Variants in CHAT observed in about 807,000 individuals in gnomAD.
CHAT encodes the protein acetyl CoA:choline O-acetyltransferase.
A neutral mutation model predicts 76.9 loss-of-function variants in CHAT; 61 were observed. The ratio of observed to expected loss-of-function variants is 0.79; its 90% confidence interval spans 0.65 to 0.98. The LOEUF (loss-of-function observed/expected upper bound fraction) is 0.98, where lower values mean the gene tolerates loss of function less well. Ranked by LOEUF, CHAT falls within the 50% of genes least tolerant of loss-of-function variation. CHAT has a pLI of 0.00. For missense variants in CHAT, 946 were observed against 986.9 expected (o/e 0.96, Z 0.56); for synonymous variants, 407 against 397.4 (o/e 1.02, Z -0.29).
rs530975142 is a variant in CHAT at position 49,658,377 on chromosome 10, C to T, written c.1839+2929C>T. ...CTAAAAATACAAAAAATTAGCCAGGCGTGGTTGCACATGCCTGCAATCCCA... is the reference window on the plus strand; with the variant it reads ...CTAAAAATACAAAAAATTAGCCAGGTGTGGTTGCACATGCCTGCAATCCCA... On this transcript the variant is annotated intron_variant, in intron 13 of 14. Coordinates refer to ENST00000337653, the MANE Select transcript of CHAT (RefSeq NM_020549.5). Among the ~76,000 whole-genome samples, 15 of 152,252 alleles carry T rather than the reference C, an allele frequency of 9.9e-5. 1 individual carries two copies. The South Asian group carries it at 1.7e-3, about 17-fold the overall frequency.
intron 7 of CHAT, among the ~76,000 whole-genome samples, chr10:49,645,081 T>C (rs1004345869): frequency 6.6e-6 from 1 of 152,182 alleles, no homozygotes; most frequent in Non-Finnish European, 1.5e-5. Context: ...TCATAGAATT[T>C]AGACACCTGG....
Position 49,616,516 on chromosome 10 carries a change from A to C in CHAT, c.301A>C (p.Ile101Leu). 1 of 1,612,510 alleles carries C rather than the reference A, an allele frequency of 6.2e-7. No individual in the cohort carries two copies. The highest frequency in any genetic ancestry group is 8.5e-7 in the Non-Finnish European group (1 of 1,179,230). Residue 101 changes from isoleucine to leucine, a missense_variant, in exon 2 of 15, where the codon ATC becomes CTC. Physicochemically the swap from Ile to Leu is conservative, Grantham distance 5 (BLOSUM62 2). This residue lies in a region of CHAT where 548 missense variants were observed against 516.2 expected (regional missense o/e 1.06). Coordinates refer to ENST00000337653, the MANE Select transcript of CHAT (RefSeq NM_020549.5). ...EPRRAGPHLC[I>L]PAPGLTKTPI... Reference sequence around the variant, plus strand: ...TTGGTCCCCAGGTCCACACCTCTGCATCCCTGCACCAGGACTCACCAAGAC... The same window carrying C: ...TTGGTCCCCAGGTCCACACCTCTGCCTCCCTGCACCAGGACTCACCAAGAC...
chr10:49,639,888 C>T (rs1337777978), intron 7 of CHAT, among the ~76,000 whole-genome samples: 2 of 152,150 alleles, frequency 1.3e-5, no homozygotes, highest in Admixed American at 6.6e-5. Context: ...GACTCTGTTC[C>T]TTTTCCCCCA....
At position 49,614,345 on chromosome 10, in the gene CHAT, C is replaced by T. The variant is rs1286222980; in HGVS notation, c.156C>T (p.Ala52=). The T allele has an allele frequency of 2.6e-5, 40 of 1,546,540 alleles. No individual in the cohort carries two copies. Among genetic ancestry groups the T allele is most frequent in the African/African-American group, 8.2e-5 (6 of 72,936 alleles). The change falls in exon 1 of 15, where the codon GCC becomes GCT. Residue 52 remains alanine, a synonymous_variant. Coordinates refer to ENST00000337653, the MANE Select transcript of CHAT (RefSeq NM_020549.5). Reference sequence around the variant, plus strand: ...ACCCGGGCGACGTCGGAGGCCCTGCCGGGAACCCAGGCTGCAGCCCCCACC... The same window carrying T: ...ACCCGGGCGACGTCGGAGGCCCTGCTGGGAACCCAGGCTGCAGCCCCCACC... The part of the protein sequence containing the change: ...RGDPGDVGGP[A]GNPGCSPHPR...
At position 49,667,732 on chromosome 10, in the gene CHAT, A is replaced by C. The variant is rs995255618; in HGVS notation, c.*2686A>C. 1.3e-5 allele frequency among the ~76,000 whole-genome samples: 2 copies of C among 152,240 alleles called. No homozygotes were observed. Among genetic ancestry groups the C allele is most frequent in the African/African-American group, 4.8e-5 (2 of 41,464 alleles). On this transcript the variant is annotated 3_prime_UTR_variant, in exon 15 of 15. Transcript: ENST00000337653. ...CCTTACAATACTGCTAAGTTGCTAA[A>C]ATATATAAAGTTAATATTTGAGTTC... is the stretch of plus-strand genomic sequence containing the variant.
Position 49,646,494 on chromosome 10 carries a change from C to T in CHAT, c.1112-11C>T, listed in dbSNP as rs750498275. ...GGACAGGTGCTAGGGCTGTGCCTGC[C>T]TCCCCTGCAGACTCCACCAACCGGG... On this transcript the variant is annotated splice_polypyrimidine_tract_variant and intron_variant, in intron 7 of 14. Transcript: ENST00000337653. 1 of 1,614,112 alleles carries T rather than the reference C, an allele frequency of 6.2e-7. No individual in the cohort carries two copies. Among genetic ancestry groups the T allele is most frequent in the South Asian group, 1.1e-5 (1 of 91,084 alleles).
intron 7 of CHAT, among the ~76,000 whole-genome samples, chr10:49,642,018 T>TC (rs1839497435): frequency 6.6e-6 from 1 of 152,154 alleles, no homozygotes; most frequent in Non-Finnish European, 1.5e-5. Context: ...CCTCCTGGCC[T>TC]CTGGAATTTC....
intron 8 of CHAT, among the ~76,000 whole-genome samples, 194 bp downstream of exon 8, chr10:49,646,868 G>A (rs963640599): frequency 2.6e-5 from 4 of 152,188 alleles, no homozygotes. Context: ...TGCTGTTGAT[G>A]TCAATCTCTG....
At chr10:49,616,274 C>A (rs1488487260) in intron 1 of CHAT, among the ~76,000 whole-genome samples, 3 of 152,172 alleles carry the variant, frequency 2.0e-5, no homozygotes, top group Non-Finnish European at 2.9e-5. Context: ...CAGACCCTCA[C>A]TTTAGGAACC....
At chr10:49,610,774 G>A (rs1207111091), upstream of CHAT, 24 of 1,562,014 alleles carry the variant, frequency 1.5e-5, no homozygotes, top group Non-Finnish European at 1.9e-5. Flanking sequence ...CCAGGCCCGG[G>A]CGGCGGCCAC....
intron 2 of CHAT, among the ~76,000 whole-genome samples, chr10:49,617,985 G>A (rs1265369957): frequency 1.3e-5 from 2 of 152,182 alleles, no homozygotes; most frequent in African/African-American, 4.8e-5. Flanking sequence ...AGAAGGAGGT[G>A]CTTTTAAGGG....
chr10:49,633,490 C>G (rs952517218), intron 7 of CHAT, among the ~76,000 whole-genome samples: 4 of 152,160 alleles, frequency 2.6e-5, no homozygotes, highest in African/African-American at 9.7e-5. Context: ...TGGAAGGGAG[C>G]ATCTGCCTAG....
At chr10:49,650,719 G>A (rs1459674814) in intron 10 of CHAT, among the ~76,000 whole-genome samples, 2 of 152,272 alleles carry the variant, frequency 1.3e-5, no homozygotes, top group East Asian at 3.9e-4. Flanking sequence ...GGAGGCTGTG[G>A]GAAGGGCACA....
At chr10:49,647,159 C>T (rs1340607935) in intron 8 of CHAT, 2 of 192,762 alleles carry the variant, frequency 1.0e-5, no homozygotes, top group Admixed American at 5.3e-5. Context: ...CTCCCTCAAT[C>T]CCTGAGAAGT....
In CHAT at chr10:49,651,902, C is replaced by G; in HGVS notation, c.1530C>G (p.Asp510Glu). The change falls in exon 11 of 15, where the codon GAC becomes GAG. Residue 510 changes from aspartate to glutamate, a missense_variant. Transcript: ENST00000337653. Reference protein sequence around the residue: ...EKLQRIVKNLDFIVYKFDNYG... With the variant: ...EKLQRIVKNLEFIVYKFDNYG... The stretch of plus-strand genomic sequence containing the variant: ...TCCTCAGAATAGTAAAGAACCTTGA[C>G]TTCATTGTCTATAAGTTTGACAACT... 6.2e-7 allele frequency: 1 copy of G among 1,613,974 alleles called. No homozygotes were observed. The highest frequency in any genetic ancestry group is 1.3e-5 in the African/African-American group (1 of 75,052).
rs372003532 is a variant in CHAT at position 49,614,748 on chromosome 10, C to A, written c.286+273C>A. Among the ~76,000 whole-genome samples, 26 of 152,336 alleles carry A rather than the reference C, an allele frequency of 1.7e-4. No homozygotes were observed. In the East Asian group the frequency reaches 4.4e-3, roughly 26 times the overall value. ...CTTGGCCCAGCATCTGCTAAGTGAC[C>A]AGGTCCGCGCTTTCTGTGTCTAGTC... On this transcript the variant is annotated intron_variant, in intron 1 of 14. Coordinates refer to ENST00000337653, the MANE Select transcript of CHAT (RefSeq NM_020549.5).
At position 49,647,686 on chromosome 10, in the gene CHAT, T is replaced by TGC. The variant is rs1355426822; in HGVS notation, c.1282-821_1282-820insGC. ...GAGCTGTGGGGGTGAACCGATATAA[T>TGC]ACATGCACAGAATCTGGAACTCAGC... On this transcript the variant is annotated intron_variant, in intron 8 of 14. Coordinates refer to ENST00000337653, the MANE Select transcript of CHAT (RefSeq NM_020549.5). Among the ~76,000 whole-genome samples, 3 of 152,204 alleles carry TGC rather than the reference T, an allele frequency of 2.0e-5. No individual in the cohort carries two copies. In the East Asian group the frequency reaches 5.8e-4, roughly 29 times the overall value.
chr10:49,624,570 T>C (rs12266178), intron 5 of CHAT, among the ~76,000 whole-genome samples: 13,155 of 152,244 alleles, frequency 0.086, 1,882 homozygotes, highest in African/African-American at 0.3. Flanking sequence ...GTCTACTCCC[T>C]ACCTACACAT....
In CHAT at chr10:49,655,231, G is replaced by A. The variant is rs201485243; in HGVS notation, c.1771G>A (p.Val591Met). 4.1e-5 allele frequency: 66 copies of A among 1,613,888 alleles called. No homozygotes were observed. The highest frequency in any genetic ancestry group is 5.4e-5 in the Non-Finnish European group (64 of 1,180,044). ...VRAVTDHKAA[V>M]PASEKLLLLK... ...AGCCGTGACTGACCACAAGGCTGCTGTGCCAGTAAGTCCCGCCCCACCCCA... is the reference window on the plus strand; with the variant it reads ...AGCCGTGACTGACCACAAGGCTGCTATGCCAGTAAGTCCCGCCCCACCCCA... The change falls in exon 12 of 15, where the codon GTG (valine) becomes ATG (methionine). Residue 591 changes from valine (V) to methionine (M), a missense_variant. Val to Met is a conservative substitution (Grantham distance 21). Transcript: ENST00000337653.
Sources: allele counts gnomAD v4.1 joint callset (sites outside exome capture counted in the v4.1 genomes callset), GRCh38; gene constraint gnomAD v4.1.1; regional missense constraint gnomAD v4.1.1; transcripts MANE v1.5; gene names NCBI Gene and HGNC (gene_info 2026-07-23, HGNC 2026-07-21).